BHMT: variants seen among roughly 807,000 people sequenced by gnomAD.
BHMT encodes betaine--homocysteine S-methyltransferase.
BHMT carries 38 observed loss-of-function variants against 49.5 expected under a neutral mutation model. The observed-to-expected ratio is 0.77, with a 90% CI of 0.59 to 1.01. The LOEUF is 1.01. Ranked by LOEUF, BHMT falls within the 50% of genes least tolerant of loss-of-function variation. The pLI, the probability that BHMT is intolerant of heterozygous loss-of-function variation, is 0.00. For missense variants in BHMT, 426 were observed against 495.7 expected (o/e 0.86, Z 1.34); for synonymous variants, 166 against 176.3 (o/e 0.94, Z 0.46).
At chr5:79,130,787 C>T in intron 7 of BHMT, 146 bp from the exon 8 acceptor site, 1 of 677,874 alleles carries the variant, frequency 1.5e-6, no homozygotes, top group Non-Finnish European at 2.1e-6. Context: ...AGATTGACAC[C>T]TTTGCTTTTT....
intron 7 of BHMT, among the ~76,000 whole-genome samples, chr5:79,130,438 C>A (rs964966011): frequency 6.6e-6 from 1 of 152,046 alleles, no homozygotes; most frequent in Non-Finnish European, 1.5e-5. Context: ...CTTCCCAGTC[C>A]CTCAACTGCT....
At chr5:79,112,234 G>A (rs183166131) in intron 1 of BHMT, among the ~76,000 whole-genome samples, 1 of 152,168 alleles carries the variant, frequency 6.6e-6, no homozygotes, top group East Asian at 1.9e-4. Context: ...AGACCCAAAG[G>A]CACCCTCTGA....
intron 1 of BHMT, among the ~76,000 whole-genome samples, chr5:79,114,939 A>C (rs1324178861): frequency 3.3e-5 from 5 of 152,380 alleles, no homozygotes; most frequent in East Asian, 3.9e-4. Context: ...CCATAGAACA[A>C]CACCAGGGTG....
At chr5:79,120,277 T>G in intron 3 of BHMT, 73 bp from the exon 4 acceptor site, 1 of 1,336,082 alleles carries the variant, frequency 7.5e-7, no homozygotes, top group Non-Finnish European at 1.0e-6. Context: ...AACTAAGATG[T>G]GAATGTTTGA....
rs1756579331 is a variant in BHMT at position 79,128,071 on chromosome 5, G to A, written c.1037+88G>A. On this transcript the variant is annotated intron_variant, in intron 7 of 7. Transcript: ENST00000274353. ...TAGAAGACTGCAGCAAATTTGTTGT[G>A]TGATGATGAAGAATCAGTCATCCCC... 2.1e-6 allele frequency: 3 copies of A among 1,456,778 alleles called. No homozygotes were observed. In the Admixed American group the frequency reaches 6.3e-5, roughly 31 times the overall value. The allele number at this position is 1,456,778 out of a possible 1,614,324, so 90.2% of individuals were successfully genotyped here. A position where few individuals can be genotyped will look rare whatever the true frequency, so the allele number is the denominator to read the frequency against.
Position 79,115,814 on chromosome 5 carries a change from A to C in BHMT, c.81A>C (p.Gly27=). 3.1e-6 allele frequency: 5 copies of C among 1,613,894 alleles called. No individual in the cohort carries two copies. Among genetic ancestry groups the C allele is most frequent in the Non-Finnish European group, 4.2e-6 (5 of 1,179,846 alleles). The change falls in exon 2 of 8, where the codon GGA becomes GGC. Residue 27 remains glycine, a synonymous_variant. Coordinates refer to ENST00000274353, the MANE Select transcript of BHMT (RefSeq NM_001713.3). ...CTGGAGAGATTGTGATTGGAGATGG[A>C]GGGTTTGTCTTTGCACTGGAGAAGA... ...LNAGEIVIGD[G]GFVFALEKRG...
intron 6 of BHMT, among the ~76,000 whole-genome samples, chr5:79,126,704 G>C (rs552209527): frequency 1.4e-3 from 219 of 152,246 alleles, no homozygotes; most frequent in Non-Finnish European, 2.6e-3. Flanking sequence ...CTACTCCAGA[G>C]TTTTGGGATT....
chr5:79,116,924 A>G (rs1338053747), intron 2 of BHMT, among the ~76,000 whole-genome samples: 1 of 152,214 alleles, frequency 6.6e-6, no homozygotes, highest in African/African-American at 2.4e-5. Context: ...TACCAGCCTC[A>G]TTCTCTTGCT....
Position 79,121,349 on chromosome 5 carries a change from G to T in BHMT, c.609G>T (p.Val203=), listed in dbSNP as rs760910748. Residue 203 remains valine, a synonymous_variant, in exon 5 of 8, where the codon GTG becomes GTT. Coordinates refer to ENST00000274353, the MANE Select transcript of BHMT (RefSeq NM_001713.3). ...GCGTGCCCCCCGGCGAGTGTGCAGT[G>T]CGCCTGGTGAAAGCAGGTGATGATA... ...LHGVPPGECA[V]RLVKAGASII... 8.7e-6 allele frequency: 14 copies of T among 1,614,042 alleles called. No individual in the cohort carries two copies. The Admixed American group carries it at 2.3e-4, about 27-fold the overall frequency.
rs772824496 is a variant in BHMT, at chr5:79,130,976, C to A, written c.1081C>A (p.Arg361=). The A allele has an allele frequency of 1.2e-6, 2 of 1,613,746 alleles. No homozygotes were observed. The highest frequency in any genetic ancestry group is 1.7e-6 in the Non-Finnish European group (2 of 1,179,896). The change falls in exon 8 of 8, where the codon CGG becomes AGG. Residue 361 remains arginine, a synonymous_variant. Transcript: ENST00000274353. ...GGAGAATCTTCGGATAGCCTCAGGC[C>A]GGCCATACAACCCTTCAATGTCAAA... ...YWENLRIASG[R]PYNPSMSKPD...
intron 1 of BHMT, among the ~76,000 whole-genome samples, chr5:79,112,364 C>A (rs1194642451): frequency 8.5e-5 from 13 of 152,242 alleles, no homozygotes; most frequent in Admixed American, 8.5e-4. Flanking sequence ...GGCGCGATAT[C>A]CCGTCCCCAC....
chr5:79,127,379 G>A (rs1756568814), intron 6 of BHMT, among the ~76,000 whole-genome samples: 1 of 152,300 alleles, frequency 6.6e-6, no homozygotes, highest in Admixed American at 6.5e-5. Context: ...ATGGCAGCTG[G>A]CTTTCCCCAG....
rs796158413 is a variant in BHMT, at chr5:79,121,375, G to C, written c.625+10G>C. On this transcript the variant is annotated intron_variant, in intron 5 of 7. Coordinates refer to ENST00000274353, the MANE Select transcript of BHMT (RefSeq NM_001713.3). ...CGCCTGGTGAAAGCAGGTGATGATAGATTTCAATCAGTTTGTGATTAGTAA... is the reference window on the plus strand; with the variant it reads ...CGCCTGGTGAAAGCAGGTGATGATACATTTCAATCAGTTTGTGATTAGTAA... 6 of 1,613,970 alleles carry C rather than the reference G, an allele frequency of 3.7e-6. No homozygotes were observed. In the African/African-American group the frequency reaches 8.0e-5, roughly 22 times the overall value.
intron 7 of BHMT, 95 bp downstream of exon 7, chr5:79,128,078 TGAA>T (rs1003772025): frequency 8.2e-5 from 116 of 1,422,354 alleles, no homozygotes; most frequent in Middle Eastern, 5.5e-4. Flanking sequence ...TGTGTGATGA[TGAA>T]GAATCAGTCA....
intron 1 of BHMT, among the ~76,000 whole-genome samples, chr5:79,112,967 G>A (rs1213673334): frequency 6.6e-6 from 1 of 152,142 alleles, no homozygotes; most frequent in Non-Finnish European, 1.5e-5. Context: ...GAGGCAGATG[G>A]GGCCAGGCCA....
intron 4 of BHMT, among the ~76,000 whole-genome samples, 167 bp from the exon 5 acceptor site, chr5:79,121,051 G>T (rs554670372): frequency 1.3e-5 from 2 of 151,710 alleles, no homozygotes; most frequent in Non-Finnish European, 2.9e-5. Flanking sequence ...CTTGGGAGGC[G>T]GAGGCAGGAG....
At position 79,120,363 on chromosome 5, in the gene BHMT, A is replaced by G. The variant is rs1284359630; in HGVS notation, c.299A>G (p.Asn100Ser). 3.7e-6 allele frequency: 6 copies of G among 1,611,400 alleles called. No homozygotes were observed. The highest frequency in any genetic ancestry group is 2.7e-5 in the African/African-American group (2 of 74,920). ...CACCCATTTTAGGGGCAGGAAGTCA[A>G]TGAAGCTGCTTGCGACATCGCCCGA... is the stretch of plus-strand genomic sequence containing the variant. ...VLEKISGQEV[N>S]EAACDIARQV... Residue 100 changes from asparagine (N) to serine (S), a missense_variant, in exon 4 of 8, where the codon AAT (asparagine) becomes AGT (serine). Asn to Ser is a conservative substitution (Grantham distance 46). Around this residue, in one of 3 missense-constraint regions of BHMT, gnomAD observed 321 missense variants for 355.9 expected, o/e 0.90. Coordinates refer to ENST00000274353, the MANE Select transcript of BHMT (RefSeq NM_001713.3).
intron 6 of BHMT, among the ~76,000 whole-genome samples, chr5:79,127,460 G>C (rs1342665680): frequency 6.6e-6 from 1 of 152,110 alleles, no homozygotes; most frequent in Non-Finnish European, 1.5e-5. Context: ...GAAGTCACAT[G>C]CCAGTTCTGC....
chr5:79,119,125 T>C, intron 2 of BHMT, 134 bp from the exon 3 acceptor site: 1 of 673,640 alleles, frequency 1.5e-6, no homozygotes, highest in Non-Finnish European at 2.5e-6. Context: ...ACCTCTCATC[T>C]ACCCCTAAGA....
Sources: gnomAD v4.1 joint callset for allele counts (sites outside exome capture counted in the v4.1 genomes callset) on GRCh38, gnomAD v4.1.1 for gene constraint, gnomAD v4.1.1 regional missense constraint, MANE v1.5 for transcripts, NCBI Gene and HGNC (gene_info 2026-07-23, HGNC 2026-07-21) for gene names.